Variants in DGKB observed in about 807,000 individuals in gnomAD.
The protein encoded by DGKB is diacylglycerol kinase beta.
Under a neutral mutation model 114.3 loss-of-function variants are expected in DGKB, and 67 were observed. That is an observed-to-expected ratio of 0.59 (90% CI 0.48 to 0.72). DGKB has a LOEUF of 0.72. Ranked by LOEUF, DGKB falls within the 30% of genes least tolerant of loss-of-function variation. The pLI is 0.00. For synonymous variants in DGKB, 398 were observed against 323.1 expected (o/e 1.23, Z -2.49); for missense variants, 907 against 975.2 (o/e 0.93, Z 0.93).
intron 20 of DGKB, among the ~76,000 whole-genome samples, chr7:14,504,919 C>T (rs1337784298): frequency 5.3e-5 from 8 of 152,040 alleles, no homozygotes; most frequent in Non-Finnish European, 1.2e-4. Context: ...TTTGTTAATT[C>T]GATAGTCATC....
intron 12 of DGKB, among the ~76,000 whole-genome samples, chr7:14,673,784 G>T (rs371115338): frequency 6.6e-6 from 1 of 152,136 alleles, no homozygotes. Flanking sequence ...GAATTACACA[G>T]ATTTGGTAAA....
chr7:14,567,154 AC>A (rs1797528970), intron 20 of DGKB, among the ~76,000 whole-genome samples: 3 of 98,748 alleles, frequency 3.0e-5, no homozygotes, highest in East Asian at 2.5e-4. Flanking sequence ...TATATAATAT[AC>A]AATTATATTT....
intron 21 of DGKB, among the ~76,000 whole-genome samples, chr7:14,359,630 A>G (rs1815300983): frequency 6.6e-6 from 1 of 152,190 alleles, no homozygotes; most frequent in Non-Finnish European, 1.5e-5. Context: ...GATAAAAAGC[A>G]AACAACCCCA....
intron 20 of DGKB, among the ~76,000 whole-genome samples, chr7:14,492,525 T>C (rs1784735875): frequency 6.6e-6 from 1 of 152,046 alleles, no homozygotes; most frequent in Admixed American, 6.6e-5. Context: ...GAAAAGAAAA[T>C]ACAATTGACA....
At chr7:14,171,265 T>A (rs1188545750) in intron 25 of DGKB, among the ~76,000 whole-genome samples, 2 of 152,138 alleles carry the variant, frequency 1.3e-5, no homozygotes, top group Admixed American at 6.5e-5. Flanking sequence ...CTTTGTAGAG[T>A]CTTCTTAGTC....
intron 19 of DGKB, among the ~76,000 whole-genome samples, chr7:14,580,227 G>T (rs1461680121): frequency 6.6e-6 from 1 of 152,108 alleles, no homozygotes; most frequent in Admixed American, 6.6e-5. Flanking sequence ...GCTTTACATG[G>T]CTGTGTCATT....
intron 20 of DGKB, among the ~76,000 whole-genome samples, chr7:14,514,010 T>TA (rs1270616177): frequency 1.3e-5 from 2 of 152,046 alleles, no homozygotes; most frequent in South Asian, 2.1e-4. Flanking sequence ...TTACTTTTTT[T>TA]ATCAATGTAA....
chr7:14,484,725 T>C (rs1050440897), intron 20 of DGKB, among the ~76,000 whole-genome samples: 4 of 152,158 alleles, frequency 2.6e-5, no homozygotes, highest in African/African-American at 9.7e-5. Flanking sequence ...ACACCCCAGA[T>C]AGCACTGCTG....
intron 2 of DGKB, among the ~76,000 whole-genome samples, chr7:14,814,508 A>G (rs764084460): frequency 3.8e-4 from 58 of 152,174 alleles, no homozygotes; most frequent in Non-Finnish European, 5.1e-4. Flanking sequence ...ATTCTCTACA[A>G]TAAGAATTTT....
At chr7:14,927,538 C>A (rs887515375) in intron 1 of DGKB, among the ~76,000 whole-genome samples, 2 of 151,822 alleles carry the variant, frequency 1.3e-5, no homozygotes, top group African/African-American at 2.4e-5. Flanking sequence ...CAAAAAAAAG[C>A]AAACTCCTAC....
At chr7:14,937,449 A>T (rs1785332895) in intron 1 of DGKB, among the ~76,000 whole-genome samples, 1 of 151,930 alleles carries the variant, frequency 6.6e-6, no homozygotes, top group Non-Finnish European at 1.5e-5. Flanking sequence ...ATTAATGGAG[A>T]CTCCAAGTTT....
chr7:14,641,111 G>A (rs570249874), intron 13 of DGKB, among the ~76,000 whole-genome samples: 3 of 152,212 alleles, frequency 2.0e-5, no homozygotes, highest in East Asian at 1.9e-4. Flanking sequence ...AGTGTTTAAT[G>A]AGAATAGCAA....
intron 1 of DGKB, among the ~76,000 whole-genome samples, chr7:14,948,527 T>C (rs1587439255): frequency 6.6e-6 from 1 of 151,838 alleles, no homozygotes; most frequent in Non-Finnish European, 1.5e-5. Context: ...GAGATCTGTA[T>C]ACTAAAAAAT....
chr7:14,746,955 A>T (rs1833381058), intron 4 of DGKB, among the ~76,000 whole-genome samples: 2 of 152,084 alleles, frequency 1.3e-5, no homozygotes, highest in South Asian at 4.1e-4. Flanking sequence ...ATTCTAAAAA[A>T]AAAATCTTCC....
At chr7:14,399,202 T>C (rs1822713509) in intron 21 of DGKB, among the ~76,000 whole-genome samples, 1 of 151,516 alleles carries the variant, frequency 6.6e-6, no homozygotes, top group Admixed American at 6.6e-5. Flanking sequence ...TCTAAAGCTA[T>C]TGAGAATATA....
intron 1 of DGKB, among the ~76,000 whole-genome samples, chr7:14,844,750 A>C (rs1312820027): frequency 6.6e-6 from 1 of 152,116 alleles, no homozygotes; most frequent in Non-Finnish European, 1.5e-5. Flanking sequence ...TTAATTAATA[A>C]GTTATAATTG....
intron 1 of DGKB, among the ~76,000 whole-genome samples, chr7:14,965,319 G>A (rs551960397): frequency 6.6e-6 from 1 of 152,086 alleles, no homozygotes; most frequent in South Asian, 2.1e-4. Flanking sequence ...AATGAGAGGA[G>A]TTATAAAAAT....
At chr7:14,593,963 G>A (rs1400332440) in intron 17 of DGKB, among the ~76,000 whole-genome samples, 1 of 152,008 alleles carries the variant, frequency 6.6e-6, no homozygotes, top group African/African-American at 2.4e-5. Context: ...TGCCTTTCAT[G>A]CCTTATTTCT....
intron 2 of DGKB, among the ~76,000 whole-genome samples, chr7:14,809,186 G>T (rs1386694643): frequency 6.6e-6 from 1 of 152,006 alleles, no homozygotes; most frequent in Non-Finnish European, 1.5e-5. Flanking sequence ...CGAAATTTAA[G>T]AATTCTAACT....
Sources: allele counts gnomAD v4.1 joint callset (sites outside exome capture counted in the v4.1 genomes callset), GRCh38; gene constraint gnomAD v4.1.1; transcripts MANE v1.5; gene names NCBI Gene and HGNC (gene_info 2026-07-23, HGNC 2026-07-21).